The following KITLG variants were observed in gnomAD, a reference collection of about 807,000 sequenced individuals.
KITLG encodes c-Kit ligand.
KITLG carries 13 observed loss-of-function variants against 34.1 expected under a neutral mutation model. The observed-to-expected ratio is 0.38, with a 90% CI of 0.25 to 0.61. The LOEUF (loss-of-function observed/expected upper bound fraction) is 0.61, where lower values mean the gene tolerates loss of function less well. Among genes scored for constraint, KITLG ranks in the 20% least tolerant of loss-of-function variants. KITLG has a pLI of 0.60. For synonymous variants in KITLG, 110 were observed against 104.0 expected, an observed-to-expected ratio of 1.06 and a Z score of -0.35; for missense variants, 292 against 318.9, an observed-to-expected ratio of 0.92 and a Z score of 0.64.
intron 1 of KITLG, among the ~76,000 whole-genome samples, chr12:88,551,206 A>T (rs1218193352): frequency 6.6e-6 from 1 of 152,220 alleles, no homozygotes; most frequent in African/African-American, 2.4e-5. Context: ...CATAAAATTA[A>T]AGAATTCATT....
chr12:88,534,368 T>C (rs1023531950), intron 2 of KITLG, among the ~76,000 whole-genome samples: 5 of 152,092 alleles, frequency 3.3e-5, no homozygotes, highest in African/African-American at 7.2e-5. Context: ...ATTAGAATCA[T>C]TGCTGCTTTT....
In KITLG at chr12:88,496,981, T is replaced by A. The variant is rs1868663991; in HGVS notation, c.*238A>T. The A allele has an allele frequency of 7.3e-6, 2 of 274,190 alleles. No homozygotes were observed. Among genetic ancestry groups the A allele is most frequent in the South Asian group, 6.7e-5 (2 of 29,958 alleles). The allele number at this position is 274,190 out of a possible 1,614,324, so 17.0% of individuals were successfully genotyped here. A position where few individuals can be genotyped will look rare whatever the true frequency, so the allele number is the denominator to read the frequency against. On this transcript the variant is annotated 3_prime_UTR_variant, in exon 10 of 10. Coordinates refer to ENST00000644744, the MANE Select transcript of KITLG (RefSeq NM_000899.5). ...AAGTCCCGCAGTCCTTAAAATAGAGTCCTGCTCCATGCAAGTTCTTCTTTA... is the reference window on the plus strand; with the variant it reads ...AAGTCCCGCAGTCCTTAAAATAGAGACCTGCTCCATGCAAGTTCTTCTTTA...
At chr12:88,563,699 A>G (rs7953218) in intron 1 of KITLG, among the ~76,000 whole-genome samples, 100,169 of 152,126 alleles carry the variant, frequency 0.66, 36,720 homozygotes, top group Middle Eastern at 0.86. Flanking sequence ...AGTGGCTCAC[A>G]CCTGTAATCC....
At chr12:88,580,195 G>A (rs982508305) in intron 1 of KITLG, 69 bp downstream of exon 1, 15 of 1,531,764 alleles carry the variant, frequency 9.8e-6, no homozygotes, top group African/African-American at 2.7e-5. Flanking sequence ...AGGGAGCGCC[G>A]GCTTCCCCGG....
intron 9 of KITLG, among the ~76,000 whole-genome samples, chr12:88,503,498 G>A (rs993177005): frequency 4.6e-5 from 7 of 152,228 alleles, no homozygotes; most frequent in African/African-American, 7.2e-5. Flanking sequence ...GAGAATATTC[G>A]CATGCAACTG....
intron 1 of KITLG, among the ~76,000 whole-genome samples, chr12:88,546,970 T>C (rs1870742425): frequency 6.6e-6 from 1 of 151,956 alleles, no homozygotes. Flanking sequence ...AGAAAGAAAA[T>C]GTGACTGTGG....
chr12:88,540,790 T>A (rs1870491185), intron 2 of KITLG, among the ~76,000 whole-genome samples: 1 of 152,166 alleles, frequency 6.6e-6, no homozygotes, highest in African/African-American at 2.4e-5. Flanking sequence ...TTTCTAATAG[T>A]CCTTTTTTTA....
chr12:88,533,612 T>A (rs187565355), intron 2 of KITLG, among the ~76,000 whole-genome samples: 2 of 152,146 alleles, frequency 1.3e-5, no homozygotes, highest in Non-Finnish European at 2.9e-5. Flanking sequence ...AGATAACATA[T>A]ATTAAAAAGT....
intron 9 of KITLG, among the ~76,000 whole-genome samples, chr12:88,504,845 T>A (rs968106270): frequency 1.6e-4 from 25 of 152,076 alleles, no homozygotes; most frequent in Middle Eastern, 3.4e-3. Flanking sequence ...CTGGAAACCA[T>A]CATTCTGAGC....
At chr12:88,524,774 T>C (rs1000369625) in intron 3 of KITLG, among the ~76,000 whole-genome samples, 1 of 152,230 alleles carries the variant, frequency 6.6e-6, no homozygotes, top group Non-Finnish European at 1.5e-5. Context: ...TAGCATTTAA[T>C]GTCATATTTT....
intron 1 of KITLG, among the ~76,000 whole-genome samples, chr12:88,579,455 T>C (rs1871938451): frequency 6.6e-6 from 1 of 152,062 alleles, no homozygotes; most frequent in Non-Finnish European, 1.5e-5. Flanking sequence ...CCAGGTATTT[T>C]CTTCAAGGGA....
intron 9 of KITLG, among the ~76,000 whole-genome samples, chr12:88,499,751 C>G (rs1008631510): frequency 2.0e-5 from 3 of 152,140 alleles, no homozygotes; most frequent in African/African-American, 7.2e-5. Flanking sequence ...AGTCTCACAT[C>G]CCATTAGTAA....
intron 1 of KITLG, among the ~76,000 whole-genome samples, chr12:88,553,790 G>T (rs1480740430): frequency 6.6e-6 from 1 of 152,178 alleles, no homozygotes; most frequent in East Asian, 1.9e-4. Flanking sequence ...AAACAGTTCT[G>T]GTAGAGGGAA....
chr12:88,573,942 C>A (rs144349620), intron 1 of KITLG, among the ~76,000 whole-genome samples: 1 of 152,132 alleles, frequency 6.6e-6, no homozygotes, highest in Non-Finnish European at 1.5e-5. Context: ...CTTATTGCCC[C>A]GCTCCCTCCC....
At chr12:88,531,224 G>A (rs958867676) in intron 3 of KITLG, among the ~76,000 whole-genome samples, 2 of 152,114 alleles carry the variant, frequency 1.3e-5, no homozygotes, top group Non-Finnish European at 2.9e-5. Context: ...ATAAGAGAAT[G>A]CTCCTCCTGC....
intron 1 of KITLG, among the ~76,000 whole-genome samples, chr12:88,566,700 A>G (rs1003228643): frequency 6.6e-6 from 1 of 152,212 alleles, no homozygotes; most frequent in African/African-American, 2.4e-5. Context: ...CAGCCAAACC[A>G]CAGAGGACCT....
chr12:88,578,781 C>T (rs1208026164), intron 1 of KITLG, among the ~76,000 whole-genome samples: 1 of 152,202 alleles, frequency 6.6e-6, no homozygotes, highest in African/African-American at 2.4e-5. Context: ...GATCTCACCA[C>T]CATCCATGGG....
intron 9 of KITLG, among the ~76,000 whole-genome samples, chr12:88,502,536 G>C (rs1262398366): frequency 6.6e-6 from 1 of 152,192 alleles, no homozygotes; most frequent in South Asian, 2.1e-4. Context: ...CAGCAAGTTA[G>C]GTGTTGAGGG....
intron 6 of KITLG, among the ~76,000 whole-genome samples, chr12:88,508,924 T>A (rs576211275): frequency 6.6e-6 from 1 of 152,190 alleles, no homozygotes. Context: ...GCTCTCTATA[T>A]GAAATGGATT....
Sources: allele counts gnomAD v4.1 joint callset (sites outside exome capture counted in the v4.1 genomes callset), GRCh38; gene constraint gnomAD v4.1.1; transcripts MANE v1.5; gene names NCBI Gene and HGNC (gene_info 2026-07-23, HGNC 2026-07-21).